The following CACNG2 variants were observed in gnomAD, a reference collection of about 807,000 sequenced individuals.
The protein encoded by CACNG2 is voltage-dependent calcium channel gamma-2 subunit.
A neutral mutation model predicts 25.9 loss-of-function variants in CACNG2; 3 were observed. That is an observed-to-expected ratio of 0.12 (90% CI 0.05 to 0.30). CACNG2 has a LOEUF of 0.30. CACNG2 is among the 10% of genes least tolerant of loss of function. CACNG2 has a pLI of 1.00. For synonymous variants in CACNG2, 167 were observed against 173.3 expected, an observed-to-expected ratio of 0.96 and a Z score of 0.29; for missense variants, 341 against 432.5, an observed-to-expected ratio of 0.79 and a Z score of 1.88.
At chr22:36,612,033 G>A (rs1331348172) in intron 1 of CACNG2, among the ~76,000 whole-genome samples, 2 of 152,090 alleles carry the variant, frequency 1.3e-5, no homozygotes, top group African/African-American at 4.8e-5. Flanking sequence ...GTGGTTCCAG[G>A]GCTTAATGGT....
chr22:36,673,380 G>A (rs927961854), intron 1 of CACNG2, among the ~76,000 whole-genome samples: 1 of 152,190 alleles, frequency 6.6e-6, no homozygotes, highest in African/African-American at 2.4e-5. Context: ...GAGAAGATTG[G>A]AAATCGAATT....
chr22:36,681,987 C>T (rs1474960224), intron 1 of CACNG2, among the ~76,000 whole-genome samples: 1 of 152,248 alleles, frequency 6.6e-6, no homozygotes, highest in Non-Finnish European at 1.5e-5. Flanking sequence ...AACTCTCCCT[C>T]TACCATCAGC....
At chr22:36,645,758 G>A (rs1305344867) in intron 1 of CACNG2, among the ~76,000 whole-genome samples, 1 of 152,160 alleles carries the variant, frequency 6.6e-6, no homozygotes, top group African/African-American at 2.4e-5. Flanking sequence ...CTCATAATGG[G>A]AAATGCACAT....
intron 1 of CACNG2, among the ~76,000 whole-genome samples, chr22:36,648,418 GAA>G (rs1936560818): frequency 6.6e-6 from 1 of 152,136 alleles, no homozygotes; most frequent in Non-Finnish European, 1.5e-5. Context: ...TGGGTAACAC[GAA>G]ATAAACGACC....
chr22:36,568,632 T>C (rs1569015228), intron 2 of CACNG2, among the ~76,000 whole-genome samples: 2 of 152,062 alleles, frequency 1.3e-5, no homozygotes, highest in Non-Finnish European at 1.5e-5. Context: ...CTTGAACTCC[T>C]GACCTCAAGT....
chr22:36,572,384 A>G (rs1935246782), intron 2 of CACNG2, among the ~76,000 whole-genome samples: 1 of 152,228 alleles, frequency 6.6e-6, no homozygotes, highest in Non-Finnish European at 1.5e-5. Flanking sequence ...GTTGTAGCAC[A>G]TAAACAGCCA....
At position 36,564,298 on chromosome 22, in the gene CACNG2, GC is replaced by G; in HGVS notation, c.*52del. 1.7e-6 allele frequency: 2 copies of G among 1,143,896 alleles called. No individual in the cohort carries two copies. Among genetic ancestry groups the G allele is most frequent in the Admixed American group, 2.2e-5 (1 of 45,994 alleles). 70.9% of individuals were successfully genotyped at this position (1,143,896 alleles called of 1,614,324 possible). A position where few individuals can be genotyped will look rare whatever the true frequency, so the allele number is the denominator to read the frequency against. ...GGTCTGGGTCTCCCCGCCCCGCCCC[GC>G]CCCCGGGGACCGCGCCCTCCTCCCG... is the stretch of plus-strand genomic sequence containing the variant. On this transcript the variant is annotated 3_prime_UTR_variant, in exon 4 of 4. Coordinates refer to ENST00000300105, the MANE Select transcript of CACNG2 (RefSeq NM_006078.5). This position sits in a 1 kb window ranked among gnomAD's most constrained non-coding sequence, Gnocchi z 6.7.
At chr22:36,688,539 C>CAAAAAA (rs35964599) in intron 1 of CACNG2, among the ~76,000 whole-genome samples, 27 of 70,126 alleles carry the variant, frequency 3.9e-4, no homozygotes, top group African/African-American at 1.3e-3. Flanking sequence ...GACCCTGTCT[C>CAAAAAA]AAAAAAAAAA....
At chr22:36,631,461 G>A (rs921715172) in intron 1 of CACNG2, among the ~76,000 whole-genome samples, 4 of 152,166 alleles carry the variant, frequency 2.6e-5, no homozygotes, top group African/African-American at 9.7e-5. Context: ...CCTAGCCCCA[G>A]GATGGTCTTC....
intron 1 of CACNG2, among the ~76,000 whole-genome samples, chr22:36,589,874 C>T (rs964193017): frequency 6.6e-6 from 1 of 152,242 alleles, no homozygotes; most frequent in Admixed American, 6.5e-5. Context: ...AAGAGGATAA[C>T]AAATTCTCCC....
rs189687607 is a variant in CACNG2, at chr22:36,594,635, G to A, written c.212-7087C>T. Among the ~76,000 whole-genome samples, 11 of 152,294 alleles carry A rather than the reference G, an allele frequency of 7.2e-5. No homozygotes were observed. In the East Asian group the frequency reaches 1.7e-3, roughly 24 times the overall value. On this transcript the variant is annotated intron_variant, in intron 1 of 3. Coordinates refer to ENST00000300105, the MANE Select transcript of CACNG2 (RefSeq NM_006078.5). ...GAGCAGGTGCCTGAGCTGACACAAAGTGGAGAAGTCAGCCTGATGAAGCAG... is the reference window on the plus strand; with the variant it reads ...GAGCAGGTGCCTGAGCTGACACAAAATGGAGAAGTCAGCCTGATGAAGCAG...
intron 1 of CACNG2, among the ~76,000 whole-genome samples, chr22:36,700,124 A>C (rs1397669731): frequency 1.3e-5 from 2 of 152,234 alleles, no homozygotes; most frequent in African/African-American, 4.8e-5. Flanking sequence ...GAATGGCCCA[A>C]CCCACAGTGC....
At chr22:36,662,804 G>T (rs762205497) in intron 1 of CACNG2, among the ~76,000 whole-genome samples, 1 of 152,074 alleles carries the variant, frequency 6.6e-6, no homozygotes, top group African/African-American at 2.4e-5. Context: ...ACTCATCAAC[G>T]TAGATGTTAT....
chr22:36,693,387 G>A (rs1001032513), intron 1 of CACNG2, among the ~76,000 whole-genome samples: 1 of 152,076 alleles, frequency 6.6e-6, no homozygotes, highest in Non-Finnish European at 1.5e-5. Context: ...TTTACTCTCT[G>A]TTTACTATGA....
chr22:36,635,127 CA>C (rs1273003631), intron 1 of CACNG2, among the ~76,000 whole-genome samples: 68 of 151,770 alleles, frequency 4.5e-4, no homozygotes, highest in African/African-American at 1.6e-3. Flanking sequence ...ACTAAAAATA[CA>C]AAAAAATTAG....
chr22:36,681,102 C>T (rs1937116466), intron 1 of CACNG2, among the ~76,000 whole-genome samples: 1 of 152,104 alleles, frequency 6.6e-6, no homozygotes, highest in Non-Finnish European at 1.5e-5. Flanking sequence ...ATCTATCTAT[C>T]ATCTATCTGT....
At chr22:36,699,648 G>T (rs1238227247) in intron 1 of CACNG2, among the ~76,000 whole-genome samples, 1 of 135,644 alleles carries the variant, frequency 7.4e-6, no homozygotes, top group African/African-American at 2.9e-5. Context: ...TGGTTAAGGG[G>T]TGGGGGGTGG....
At chr22:36,699,333 T>C (rs952515856) in intron 1 of CACNG2, among the ~76,000 whole-genome samples, 1 of 151,792 alleles carries the variant, frequency 6.6e-6, no homozygotes, top group African/African-American at 2.4e-5. Context: ...CCCTGGCCCT[T>C]CTCCCTCTCC....
chr22:36,658,358 AG>A (rs1011496663), intron 1 of CACNG2, among the ~76,000 whole-genome samples: 1 of 152,210 alleles, frequency 6.6e-6, no homozygotes, highest in South Asian at 2.1e-4. Context: ...CTCGCCAATA[AG>A]GGCAGGTAGT....
Sources: allele counts gnomAD v4.1 joint callset (sites outside exome capture counted in the v4.1 genomes callset), GRCh38; gene constraint gnomAD v4.1.1; non-coding constraint Gnocchi (gnomAD v3.1); transcripts MANE v1.5; gene names NCBI Gene and HGNC (gene_info 2026-07-23, HGNC 2026-07-21).